CCDC25: variants seen among roughly 807,000 people sequenced by gnomAD.
CCDC25 encodes the protein coiled-coil domain-containing protein 25.
A neutral mutation model predicts 35.3 loss-of-function variants in CCDC25; 16 were observed. The observed-to-expected ratio is 0.45, with a 90% confidence interval of 0.31 to 0.69. The LOEUF (loss-of-function observed/expected upper bound fraction) is 0.69, where lower values mean the gene tolerates loss of function less well. CCDC25 is among the 30% of genes least tolerant of loss of function. The probability of loss-of-function intolerance (pLI) is 0.06; values close to 1 mark genes in which losing one functional copy is unlikely to be tolerated. For synonymous variants in CCDC25, 79 were observed against 80.3 expected (o/e 0.98, Z 0.09); for missense variants, 179 against 250.7 (o/e 0.71, Z 1.93).
At chr8:27,757,527 T>C (rs920721871) in intron 3 of CCDC25, among the ~76,000 whole-genome samples, 2 of 152,162 alleles carry the variant, frequency 1.3e-5, no homozygotes, top group African/African-American at 4.8e-5. Flanking sequence ...CCCCACCCCT[T>C]AAATTTACCT....
chr8:27,771,330 C>T (rs1293022976), intron 1 of CCDC25, among the ~76,000 whole-genome samples: 1 of 152,138 alleles, frequency 6.6e-6, no homozygotes, highest in Non-Finnish European at 1.5e-5. Context: ...ATGAAACCGC[C>T]TAATGGAGCA....
intron 5 of CCDC25, among the ~76,000 whole-genome samples, 194 bp from the exon 6 acceptor site, chr8:27,748,792 C>CG (rs1803695149): frequency 6.6e-6 from 1 of 152,158 alleles, no homozygotes; most frequent in South Asian, 2.1e-4. Context: ...AAAATTCAAA[C>CG]GGAAGTATTA....
At chr8:27,763,610 C>T (rs10105019) in intron 2 of CCDC25, among the ~76,000 whole-genome samples, 88,522 of 151,840 alleles carry the variant, frequency 0.58, 26,582 homozygotes, top group East Asian at 0.98. Context: ...CCCAGCCACT[C>T]GGGAGGCTGA....
At chr8:27,752,235 C>G (rs1295439227) in intron 5 of CCDC25, among the ~76,000 whole-genome samples, 1 of 152,144 alleles carries the variant, frequency 6.6e-6, no homozygotes, top group African/African-American at 2.4e-5. Flanking sequence ...TAAGTACAGA[C>G]AGATCTAGAC....
At chr8:27,758,339 G>A (rs567102555) in intron 3 of CCDC25, among the ~76,000 whole-genome samples, 1 of 152,340 alleles carries the variant, frequency 6.6e-6, no homozygotes, top group African/African-American at 2.4e-5. Flanking sequence ...CCTCTTTAAA[G>A]AGGTTAGTCA....
In CCDC25 at chr8:27,737,449, C is replaced by T. The variant is rs114010320; in HGVS notation, c.598-1204G>A. On this transcript the variant is annotated intron_variant, in intron 8 of 8. Transcript: ENST00000356537. The surrounding 1 kb of genome is among the most constrained non-coding windows in gnomAD (Gnocchi z 4.6). The stretch of plus-strand genomic sequence containing the variant: ...GTGAGTTAGATGTGCAGAGTCCCCA[C>T]TTGTCTGGGGCTATGTTTTGGAATT... 2.4e-3 allele frequency among the ~76,000 whole-genome samples: 364 copies of T among 152,284 alleles called. No individual in the cohort carries two copies. Among genetic ancestry groups the T allele is most frequent in the African/African-American group, 8.4e-3 (350 of 41,550 alleles).
In CCDC25 at chr8:27,759,779, C is replaced by CAAAAAAAAAAAAAAAAA. The variant is rs77051762; in HGVS notation, c.116+2623_116+2639dup. On this transcript the variant is annotated intron_variant, in intron 3 of 8. Transcript: ENST00000356537. ...TGGGTGACAGAGCAAGACTCTGTCTCAAAAAAAAAAAAAAAAAAAAGATGA... is the reference window on the plus strand; with the variant it reads ...TGGGTGACAGAGCAAGACTCTGTCTCAAAAAAAAAAAAAAAAAAAAAAAAAAAAAAAAAAAAAGATGA... Among the ~76,000 whole-genome samples, 682 of 91,070 alleles carry CAAAAAAAAAAAAAAAAA rather than the reference C, an allele frequency of 7.5e-3. 38 individuals carry two copies. The highest frequency in any genetic ancestry group is 0.034 in the East Asian group (46 of 1,360). The allele number at this position is 91,070 out of a possible 152,430, so 59.7% of individuals were successfully genotyped here. A position where few individuals can be genotyped will look rare whatever the true frequency, so the allele number is the denominator to read the frequency against.
chr8:27,764,470 G>T (rs1353559510), intron 2 of CCDC25: 1 of 385,436 alleles, frequency 2.6e-6, no homozygotes, highest in South Asian at 1.9e-5. Flanking sequence ...GTAGAGACAG[G>T]GTCTCCCTAT....
chr8:27,741,866 G>C (rs748317392), intron 7 of CCDC25, among the ~76,000 whole-genome samples: 2 of 152,186 alleles, frequency 1.3e-5, no homozygotes, highest in African/African-American at 2.4e-5. Flanking sequence ...GCAGAGTCAG[G>C]ATGGTTAAGT....
chr8:27,760,868 C>G (rs11775683), intron 3 of CCDC25, among the ~76,000 whole-genome samples: 88,632 of 152,164 alleles, frequency 0.58, 26,616 homozygotes, highest in East Asian at 0.98. Flanking sequence ...GCTCACGCCT[C>G]TAATCCCAGC....
chr8:27,762,693 T>C (rs1340707205), intron 2 of CCDC25, among the ~76,000 whole-genome samples: 1 of 152,040 alleles, frequency 6.6e-6, no homozygotes, highest in East Asian at 1.9e-4. Flanking sequence ...AATCTAAAGC[T>C]CAGATATTAT....
chr8:27,753,528 C>G (rs570019918), intron 4 of CCDC25, among the ~76,000 whole-genome samples: 5 of 152,248 alleles, frequency 3.3e-5, no homozygotes, highest in Admixed American at 3.3e-4. Flanking sequence ...ATGGGCAACA[C>G]AGTGAGATCC....
At chr8:27,749,497 T>C (rs1360279388) in intron 5 of CCDC25, among the ~76,000 whole-genome samples, 2 of 152,206 alleles carry the variant, frequency 1.3e-5, no homozygotes, top group Non-Finnish European at 2.9e-5. Context: ...CCAAAGTGCA[T>C]GATGGGATTC....
chr8:27,765,054 T>A (rs1158134231), intron 2 of CCDC25, 150 bp downstream of exon 2: 2 of 636,264 alleles, frequency 3.1e-6, no homozygotes, highest in Admixed American at 3.7e-5. Context: ...TGTCTCCCTA[T>A]GTGAGCTTGT....
At chr8:27,741,608 G>A (rs960045164) in intron 7 of CCDC25, among the ~76,000 whole-genome samples, 1 of 152,324 alleles carries the variant, frequency 6.6e-6, no homozygotes, top group African/African-American at 2.4e-5. Context: ...AACCTAGGAG[G>A]TGGAGGTTGC....
intron 5 of CCDC25, among the ~76,000 whole-genome samples, chr8:27,749,014 C>A (rs908116243): frequency 6.6e-6 from 1 of 152,154 alleles, no homozygotes; most frequent in African/African-American, 2.4e-5. Flanking sequence ...TCCGGGACTA[C>A]CACGAGCTAG....
chr8:27,748,063 C>T lies in CCDC25; in HGVS notation c.551+14G>A. ...ATCTTTGAGGTCAGTCTCAATGCCA[C>T]AGCTCCGACATACCTAAGTTCATCC... On this transcript the variant is annotated intron_variant, in intron 7 of 8. Transcript: ENST00000356537. The T allele has an allele frequency of 6.2e-7, 1 of 1,609,918 alleles. No homozygotes were observed. The highest frequency in any genetic ancestry group is 2.2e-5 in the East Asian group (1 of 44,866).
chr8:27,758,943 T>C (rs574758326), intron 3 of CCDC25, among the ~76,000 whole-genome samples: 1 of 151,952 alleles, frequency 6.6e-6, no homozygotes, highest in South Asian at 2.1e-4. Flanking sequence ...TAGATACACC[T>C]CTACAAAGAG....
intron 3 of CCDC25, among the ~76,000 whole-genome samples, chr8:27,758,905 T>C (rs1804112884): frequency 6.6e-6 from 1 of 152,078 alleles, no homozygotes; most frequent in Non-Finnish European, 1.5e-5. Context: ...ACTTTATCAA[T>C]ATACACCAAT....
Sources: allele counts gnomAD v4.1 joint callset (sites outside exome capture counted in the v4.1 genomes callset), GRCh38; gene constraint gnomAD v4.1.1; non-coding constraint Gnocchi (gnomAD v3.1); transcripts MANE v1.5; gene names NCBI Gene and HGNC (gene_info 2026-07-23, HGNC 2026-07-21).